HIVEP3: variants seen among roughly 807,000 people sequenced by gnomAD.
The protein encoded by HIVEP3 is transcription factor HIVEP3.
In HIVEP3, 49 loss-of-function variants were observed where a neutral mutation model predicts 152.8. The ratio of observed to expected loss-of-function variants is 0.32; its 90% CI spans 0.26 to 0.41. The LOEUF (loss-of-function observed/expected upper bound fraction) is 0.41, where lower values mean the gene tolerates loss of function less well. HIVEP3 is among the 10% of genes least tolerant of loss of function. The pLI is 1.00. For synonymous variants in HIVEP3, 1,269 were observed against 1,289.0 expected (o/e 0.98, Z 0.33); for missense variants, 2,790 against 3,103.3 (o/e 0.90, Z 2.40).
chr1:41,737,127 T>C (rs972301576), intron 1 of HIVEP3, among the ~76,000 whole-genome samples: 3 of 152,150 alleles, frequency 2.0e-5, no homozygotes, highest in African/African-American at 7.2e-5. Flanking sequence ...CTCATGAACA[T>C]AGACTTTTGG....
intron 1 of HIVEP3, among the ~76,000 whole-genome samples, chr1:41,849,764 C>T (rs1643543904): frequency 6.6e-6 from 1 of 151,214 alleles, no homozygotes; most frequent in South Asian, 2.1e-4. Flanking sequence ...AATCTCGGCT[C>T]ACTGCAACCT....
chr1:41,535,249 C>A (rs1403221009), intron 5 of HIVEP3, among the ~76,000 whole-genome samples: 1 of 152,210 alleles, frequency 6.6e-6, no homozygotes, highest in African/African-American at 2.4e-5. Context: ...ATAAGAATGG[C>A]ATCACTCCCC....
intron 1 of HIVEP3, among the ~76,000 whole-genome samples, chr1:41,992,220 C>A (rs1228429215): frequency 1.3e-5 from 2 of 151,972 alleles, no homozygotes; most frequent in Non-Finnish European, 2.9e-5. Flanking sequence ...TCCCTCTTTG[C>A]AGATGACATG....
In HIVEP3 at chr1:41,510,477, C is replaced by T. The variant is rs772158130; in HGVS notation, c.7195G>A (p.Glu2399Lys). Residue 2399 changes from glutamate (E) to lysine (K), a missense_variant, in exon 9 of 9, where the codon GAG becomes AAG. By Grantham distance (56) the Glu-to-Lys change is moderately conservative. Coordinates refer to ENST00000372583, the MANE Select transcript of HIVEP3 (RefSeq NM_024503.5). Reference sequence around the variant, plus strand: ...TAAGCGTTGGGGGGAACCCTGTCCTCAGGCTGATGTGGATGTGCCCTGGGC... The same window carrying T: ...TAAGCGTTGGGGGGAACCCTGTCCTTAGGCTGATGTGGATGTGCCCTGGGC... ...GEPRAHPHQP[E>K]DRVPPNA 1.9e-6 allele frequency: 3 copies of T among 1,544,836 alleles called. No individual in the cohort carries two copies. Among genetic ancestry groups the T allele is most frequent in the South Asian group, 1.2e-5 (1 of 81,920 alleles).
intron 1 of HIVEP3, among the ~76,000 whole-genome samples, chr1:41,862,323 A>G (rs1018385620): frequency 6.6e-6 from 1 of 152,128 alleles, no homozygotes; most frequent in Non-Finnish European, 1.5e-5. Context: ...CATTTATCTG[A>G]CCATAAGCTA....
intron 1 of HIVEP3, among the ~76,000 whole-genome samples, chr1:41,980,503 T>A (rs994038304): frequency 1.3e-5 from 2 of 152,196 alleles, no homozygotes; most frequent in Non-Finnish European, 2.9e-5. Context: ...AAGGCAGATC[T>A]ATAGCGACAG....
intron 1 of HIVEP3, among the ~76,000 whole-genome samples, chr1:41,929,817 A>G (rs1009996648): frequency 1.3e-5 from 2 of 148,236 alleles, no homozygotes; most frequent in African/African-American, 5.0e-5. Context: ...TCATTCCATC[A>G]TTCTGCTTTG....
chr1:41,889,453 C>T (rs561987285), intron 1 of HIVEP3, among the ~76,000 whole-genome samples: 22 of 152,266 alleles, frequency 1.4e-4, no homozygotes, highest in Middle Eastern at 3.4e-3. Flanking sequence ...CAGACCTACG[C>T]AGAGTCTGAA....
chr1:41,785,033 A>C (rs761360086), intron 1 of HIVEP3, among the ~76,000 whole-genome samples: 1 of 152,214 alleles, frequency 6.6e-6, no homozygotes, highest in Non-Finnish European at 1.5e-5. Context: ...CAGCAAAGGG[A>C]AACTGTCCTG....
Position 41,513,561 on chromosome 1 carries a change from G to C in HIVEP3, c.5660C>G (p.Pro1887Arg). ...PSSEAPPPGPPHALRADSSPI... is the reference protein window; with the variant it reads ...PSSEAPPPGPRHALRADSSPI... Reference sequence around the variant, plus strand: ...TGAGGAGTCTGCCCGCAGTGCATGTGGTGGGCCAGGCGGGGGCGCCTCTGA... The same window carrying C: ...TGAGGAGTCTGCCCGCAGTGCATGTCGTGGGCCAGGCGGGGGCGCCTCTGA... Residue 1887 changes from proline to arginine, a missense_variant, in exon 8 of 9, where the codon CCA (proline) becomes CGA (arginine). Around this residue, in one of 9 missense-constraint regions of HIVEP3, gnomAD observed 816 missense variants for 806.5 expected, o/e 1.01. Coordinates refer to ENST00000372583, the MANE Select transcript of HIVEP3 (RefSeq NM_024503.5). The C allele has an allele frequency of 6.2e-7, 1 of 1,612,174 alleles. No individual in the cohort carries two copies. Among genetic ancestry groups the C allele is most frequent in the Non-Finnish European group, 8.5e-7 (1 of 1,179,410 alleles).
At chr1:41,545,371 C>CCAT (rs1643739168) in intron 5 of HIVEP3, among the ~76,000 whole-genome samples, 1 of 13,402 alleles carries the variant, frequency 7.5e-5, no homozygotes, top group Non-Finnish European at 1.7e-4. Context: ...ATCACCACCA[C>CCAT]CACCACTACC....
At chr1:42,010,738 A>G (rs561539028) in intron 1 of HIVEP3, among the ~76,000 whole-genome samples, 7 of 152,078 alleles carry the variant, frequency 4.6e-5, no homozygotes, top group Non-Finnish European at 8.8e-5. Context: ...AGTTCAGAAA[A>G]CCATTCTTAG....
intron 1 of HIVEP3, among the ~76,000 whole-genome samples, chr1:41,929,725 T>TA (rs56158079): frequency 0.66 from 77,912 of 117,432 alleles, 26,227 homozygotes; most frequent in East Asian, 0.91. Context: ...TATATGTGTT[T>TA]TTATATATAT....
Position 41,631,404 on chromosome 1 carries a change from C to T in HIVEP3, c.-720-2457G>A, listed in dbSNP as rs12034676. On this transcript the variant is annotated intron_variant, in intron 2 of 8. Coordinates refer to ENST00000372583, the MANE Select transcript of HIVEP3 (RefSeq NM_024503.5). The stretch of plus-strand genomic sequence containing the variant: ...TTGGAACAATGCCTGGCACGGCCCA[C>T]GTAACTGCTCTGAATATTATCTCAG... Among the ~76,000 whole-genome samples, 57 of 152,306 alleles carry T rather than the reference C, an allele frequency of 3.7e-4. No individual in the cohort carries two copies. In the East Asian group the frequency reaches 0.011, roughly 29 times the overall value.
intron 1 of HIVEP3, chr1:41,847,340 T>C (rs1643471169): frequency 6.6e-6 from 1 of 152,226 alleles, no homozygotes; most frequent in African/African-American, 2.4e-5. Context: ...TAAACTAAGC[T>C]TGTTGCTCTA....
intron 1 of HIVEP3, among the ~76,000 whole-genome samples, chr1:41,814,175 G>A (rs1651123831): frequency 6.6e-6 from 1 of 152,172 alleles, no homozygotes; most frequent in African/African-American, 2.4e-5. Context: ...TGAAATTCAA[G>A]CCCCAGTACG....
chr1:41,700,946 A>G lies in HIVEP3; in HGVS notation c.-751T>C. ...AAAAACCAGCCGTGGTCTCATGGTC[A>G]AGATGTGTCAGAGATTTCTAGAGCT... is the stretch of plus-strand genomic sequence containing the variant. On this transcript the variant is annotated 5_prime_UTR_variant, in exon 2 of 9. The change abolishes the stop of an existing upstream ORF in the 5' untranslated region. Transcript: ENST00000372583. The G allele has an allele frequency of 1.0e-6, 1 of 985,518 alleles. No individual in the cohort carries two copies. Among genetic ancestry groups the G allele is most frequent in the Non-Finnish European group, 1.2e-6 (1 of 830,010 alleles). The allele number at this position is 985,518 out of a possible 1,614,324, so 61.0% of individuals were successfully genotyped here. A position where few individuals can be genotyped will look rare whatever the true frequency, so the allele number is the denominator to read the frequency against.
At chr1:41,643,811 C>G (rs925383906) in intron 2 of HIVEP3, among the ~76,000 whole-genome samples, 5 of 151,692 alleles carry the variant, frequency 3.3e-5, no homozygotes, top group African/African-American at 1.2e-4. Flanking sequence ...CGCTCTGTAC[C>G]AAGACCTTCC....
At chr1:41,871,462 G>T (rs1238873458) in intron 1 of HIVEP3, among the ~76,000 whole-genome samples, 3 of 151,546 alleles carry the variant, frequency 2.0e-5, no homozygotes, top group African/African-American at 7.3e-5. Context: ...ATATGTGCTA[G>T]CCCCAGAAGA....
Sources: allele counts gnomAD v4.1 joint callset (sites outside exome capture counted in the v4.1 genomes callset), GRCh38; gene constraint gnomAD v4.1.1; regional missense constraint gnomAD v4.1.1; transcripts MANE v1.5; gene names NCBI Gene and HGNC (gene_info 2026-07-23, HGNC 2026-07-21).